DNAH10: variants seen among roughly 807,000 people sequenced by gnomAD.
The protein encoded by DNAH10 is axonemal beta dynein heavy chain 10.
In DNAH10, 348 loss-of-function variants were observed where a neutral mutation model predicts 506.6. The ratio of observed to expected loss-of-function variants is 0.69; its 90% CI spans 0.63 to 0.75. The LOEUF (loss-of-function observed/expected upper bound fraction) is 0.75. Ranked by LOEUF, DNAH10 falls within the 30% of genes least tolerant of loss-of-function variation. The probability of loss-of-function intolerance (pLI) is 0.00; values close to 1 mark genes in which losing one functional copy is unlikely to be tolerated. For synonymous variants in DNAH10, 2,059 were observed against 2,198.6 expected (o/e 0.94, Z 1.78); for missense variants, 5,179 against 5,787.1 (o/e 0.89, Z 3.41).
Position 123,930,346 on chromosome 12 carries a change from G to T in DNAH10, c.12613-56G>T, listed in dbSNP as rs539628490. ...GTGAGCCTCTGGCCCCGGGCCCCCA[G>T]GGTGCACACAGTAGGTTCTGAGCTC... is the stretch of plus-strand genomic sequence containing the variant. On this transcript the variant is annotated intron_variant, in intron 72 of 78. Transcript: ENST00000673944. The T allele has an allele frequency of 9.1e-6, 13 of 1,435,700 alleles. 1 individual carries two copies. The South Asian group carries it at 1.8e-4, about 20-fold the overall frequency. The allele number at this position is 1,435,700 out of a possible 1,614,324, so 88.9% of individuals were successfully genotyped here.
chr12:123,814,327 T>G (rs967695787), intron 21 of DNAH10: 3 of 154,564 alleles, frequency 1.9e-5, no homozygotes, highest in African/African-American at 7.2e-5. Context: ...TTCAAAGTCA[T>G]GGATGAGTTT....
At position 123,925,424 on chromosome 12, in the gene DNAH10, A is replaced by G. The variant is rs1249888565; in HGVS notation, c.11921+220A>G. 3 of 465,462 alleles carry G rather than the reference A, an allele frequency of 6.4e-6. No homozygotes were observed. Among genetic ancestry groups the G allele is most frequent in the Non-Finnish European group, 1.1e-5 (3 of 276,486 alleles). The allele number at this position is 465,462 out of a possible 1,614,324, so 28.8% of individuals were successfully genotyped here. On this transcript the variant is annotated intron_variant, in intron 68 of 78. Transcript: ENST00000673944. The surrounding 1 kb of genome is among the most constrained non-coding windows in gnomAD (Gnocchi z 4.0). ...TGTGAGCCACATATGCAGTTTCGAAAGTTCTAGTAGCTACATTAGAAAAGA... is the reference window on the plus strand; with the variant it reads ...TGTGAGCCACATATGCAGTTTCGAAGGTTCTAGTAGCTACATTAGAAAAGA...
At chr12:123,803,894 G>A (rs1168722037) in intron 17 of DNAH10, 69 bp downstream of exon 17, 5 of 1,413,560 alleles carry the variant, frequency 3.5e-6, no homozygotes, top group African/African-American at 2.9e-5. Flanking sequence ...ACATACATGT[G>A]TATATATGTA....
chr12:123,875,210 T>C (rs770386332), intron 46 of DNAH10, 21 bp from the exon 47 acceptor site: 14 of 1,591,224 alleles, frequency 8.8e-6, no homozygotes, highest in East Asian at 2.3e-5. Flanking sequence ...TGTTCTCTTT[T>C]CTTTTTTAAA....
At position 123,867,931 on chromosome 12, in the gene DNAH10, C is replaced by T. The variant is rs767541523; in HGVS notation, c.7331C>T (p.Ala2444Val). The part of the protein sequence containing the change: ...MVTQLAKMLD[A>V]LLEGEIEDLD... ...ACCCAGTTAGCCAAGATGTTGGATG[C>T]GTTGCTAGAAGGAGAAATAGAAGAC... The change falls in exon 43 of 79, where the codon GCG becomes GTG. Residue 2444 changes from alanine (A) to valine (V), a missense_variant. Ala to Val is a moderately conservative substitution (Grantham distance 64, BLOSUM62 0). Around this residue, in one of 3 missense-constraint regions of DNAH10, gnomAD observed 4,844 missense variants for 5,430.5 expected, o/e 0.89. Transcript: ENST00000673944. 2.0e-5 allele frequency: 33 copies of T among 1,613,502 alleles called. No homozygotes were observed. In the Middle Eastern group the frequency reaches 6.6e-4, roughly 32 times the overall value.
chr12:123,930,399 C>G lies in DNAH10; in HGVS notation c.12613-3C>G. On this transcript the variant is annotated splice_polypyrimidine_tract_variant and splice_region_variant and intron_variant, in intron 72 of 78. Transcript: ENST00000673944. The stretch of plus-strand genomic sequence containing the variant: ...GGCTGGCTCTCAGGCCCTCTAATTT[C>G]AGGTCATGTATGGAGGACGGGCCAT... 6.5e-7 allele frequency: 1 copy of G among 1,549,296 alleles called. No homozygotes were observed. Among genetic ancestry groups the G allele is most frequent in the Non-Finnish European group, 8.7e-7 (1 of 1,153,172 alleles).
chr12:123,769,922 GT>G lies in DNAH10; in HGVS notation c.299-1662del, dbSNP rs373397275. Among the ~76,000 whole-genome samples the G allele has an allele frequency of 2.1e-3, 290 of 139,958 alleles. 3 individuals carry two copies. Among genetic ancestry groups the G allele is most frequent in the South Asian group, 0.013 (56 of 4,418 alleles). The allele number at this position is 139,958 out of a possible 152,430, so 91.8% of individuals were successfully genotyped here. A position where few individuals can be genotyped will look rare whatever the true frequency, so the allele number is the denominator to read the frequency against. On this transcript the variant is annotated intron_variant, in intron 2 of 78. Transcript: ENST00000673944. ...ATGTGTGCCACCATGCCTGGCTAAG[GT>G]TTTTTTTTTTTTTTTTAACTTAAAT... is the stretch of plus-strand genomic sequence containing the variant.
At chr12:123,930,294 C>G (rs1317487609) in intron 72 of DNAH10, 108 bp from the exon 73 acceptor site, 16 of 1,077,526 alleles carry the variant, frequency 1.5e-5, no homozygotes. Context: ...TTGCAGCAGC[C>G]AGGCTGCTGG....
chr12:123,931,745 C>T lies in DNAH10; in HGVS notation c.13026C>T (p.Leu4342=), dbSNP rs377494164. The T allele has an allele frequency of 5.6e-5, 91 of 1,614,012 alleles. No individual in the cohort carries two copies. The highest frequency in any genetic ancestry group is 7.0e-5 in the Non-Finnish European group (83 of 1,179,892). ...VFDLDQVRKR[L]GTGLSPTSVV... is the part of the protein sequence containing the mutation. ...ACTTGGACCAGGTGAGGAAGCGCCT[C>T]GGAACAGGACTCTCCCCCACTTCGG... Residue 4342 remains leucine (L), a synonymous_variant, in exon 75 of 79, where the codon CTC becomes CTT. Coordinates refer to ENST00000673944, the MANE Select transcript of DNAH10 (RefSeq NM_001372106.1).
At position 123,917,988 on chromosome 12, in the gene DNAH10, C is replaced by T. The variant is rs1954561692; in HGVS notation, c.11232+175C>T. 6.6e-6 allele frequency among the ~76,000 whole-genome samples: 1 copy of T among 152,200 alleles called. No homozygotes were observed. The highest frequency in any genetic ancestry group is 2.4e-5 in the African/African-American group (1 of 41,444). On this transcript the variant is annotated intron_variant, in intron 64 of 78. Transcript: ENST00000673944. The surrounding 1 kb of genome is among the most constrained non-coding windows in gnomAD (Gnocchi z 5.6). ...GAGCCCTAAAGGTGTTCCCAGGGAC[C>T]CTTGGGCATCAGGTCAGTCTCTTTA... is the stretch of plus-strand genomic sequence containing the variant.
chr12:123,878,115 G>A (rs1254579961), intron 48 of DNAH10, among the ~76,000 whole-genome samples: 1 of 152,216 alleles, frequency 6.6e-6, no homozygotes, highest in Non-Finnish European at 1.5e-5. Flanking sequence ...GCAAAACCAA[G>A]AGAAGCAGAA....
chr12:123,847,289 A>T (rs1950996687), intron 32 of DNAH10, among the ~76,000 whole-genome samples: 1 of 149,900 alleles, frequency 6.7e-6, no homozygotes, highest in African/African-American at 2.5e-5. Context: ...CTGTCTATTT[A>T]TCATCTCGAT....
At position 123,787,087 on chromosome 12, in the gene DNAH10, C is replaced by T. The variant is rs981474920; in HGVS notation, c.1422-717C>T. On this transcript the variant is annotated intron_variant, in intron 9 of 78. Transcript: ENST00000673944. This position sits in a 1 kb window ranked among gnomAD's most constrained non-coding sequence, Gnocchi z 4.6. ...CCAGGAAGTGGAGGTTGCAGTGAGC[C>T]GAGATTGCACCTGTCTATATCTGTA... Among the ~76,000 whole-genome samples the T allele has an allele frequency of 6.6e-6, 1 of 152,038 alleles. No individual in the cohort carries two copies. The highest frequency in any genetic ancestry group is 1.5e-5 in the Non-Finnish European group (1 of 67,986).
At chr12:123,819,100 A>G (rs1565944764) in intron 22 of DNAH10, 34 bp downstream of exon 22, 4 of 1,601,444 alleles carry the variant, frequency 2.5e-6, no homozygotes, top group Non-Finnish European at 3.4e-6. Context: ...GAGTAAAGAC[A>G]TTGAAAAACG....
At position 123,846,501 on chromosome 12, in the gene DNAH10, G is replaced by A. The variant is rs142867622; in HGVS notation, c.5814+347G>A. Among the ~76,000 whole-genome samples, 1 of 152,164 alleles carries A rather than the reference G, an allele frequency of 6.6e-6. No individual in the cohort carries two copies. Among genetic ancestry groups the A allele is most frequent in the African/African-American group, 2.4e-5 (1 of 41,438 alleles). On this transcript the variant is annotated intron_variant, in intron 32 of 78. Coordinates refer to ENST00000673944, the MANE Select transcript of DNAH10 (RefSeq NM_001372106.1). This position sits in a 1 kb window ranked among gnomAD's most constrained non-coding sequence, Gnocchi z 4.5. ...ACAGCTTTTATTCCAGAATATATCC[G>A]TTCAAGTGAACGGCCTTGGATGATA...
At chr12:123,878,015 T>A in intron 48 of DNAH10, 107 bp downstream of exon 48, 2 of 1,351,446 alleles carry the variant, frequency 1.5e-6, no homozygotes, top group Non-Finnish European at 2.0e-6. Flanking sequence ...TTGTATGAAT[T>A]AATTACCCAA....
At chr12:123,824,279 G>A (rs1959730798) in intron 24 of DNAH10, among the ~76,000 whole-genome samples, 1 of 152,138 alleles carries the variant, frequency 6.6e-6, no homozygotes, top group Non-Finnish European at 1.5e-5. Flanking sequence ...CACTCTTAAG[G>A]GAAGACTCCA....
intron 51 of DNAH10, among the ~76,000 whole-genome samples, chr12:123,884,083 G>C (rs1952625321): frequency 6.6e-6 from 1 of 152,044 alleles, no homozygotes; most frequent in Admixed American, 6.6e-5. Context: ...GCCCAGGCTG[G>C]AGTGCAATGA....
chr12:123,934,716 C>G lies in DNAH10; in HGVS notation c.13573C>G (p.Leu4525Val). 6.2e-7 allele frequency: 1 copy of G among 1,613,926 alleles called. No homozygotes were observed. The highest frequency in any genetic ancestry group is 8.5e-7 in the Non-Finnish European group (1 of 1,179,878). ...KSKPKVLVVD[L>V]PILKIIPIEA... ...CAAACCCAAGGTGCTGGTTGTGGAC[C>G]TGCCGATCCTGAAGATCATCCCCAT... is the stretch of plus-strand genomic sequence containing the variant. The change falls in exon 78 of 79, where the codon CTG (leucine) becomes GTG (valine). Residue 4525 changes from leucine (L) to valine (V), a missense_variant. Transcript: ENST00000673944.
Sources: gnomAD v4.1 joint callset for allele counts (sites outside exome capture counted in the v4.1 genomes callset) on GRCh38, gnomAD v4.1.1 for gene constraint, gnomAD v4.1.1 regional missense constraint, Gnocchi (gnomAD v3.1) non-coding constraint, MANE v1.5 for transcripts, NCBI Gene and HGNC (gene_info 2026-07-23, HGNC 2026-07-21) for gene names.